The following PDE4D variants were observed in gnomAD, a reference collection of about 807,000 sequenced individuals.
PDE4D encodes 3',5'-cyclic-AMP phosphodiesterase 4D.
Under a neutral mutation model 87.4 loss-of-function variants are expected in PDE4D, and 24 were observed. The observed-to-expected ratio is 0.27, with a 90% CI of 0.20 to 0.39. The LOEUF (loss-of-function observed/expected upper bound fraction) is 0.39. Among genes scored for constraint, PDE4D ranks in the 10% least tolerant of loss-of-function variants. PDE4D has a pLI of 1.00. For missense variants in PDE4D, 714 were observed against 1,041.0 expected, an observed-to-expected ratio of 0.69 and a Z score of 4.32; for synonymous variants, 384 against 383.2, an observed-to-expected ratio of 1.00 and a Z score of -0.02.
chr5:59,872,262 T>TACACACACACACACACAC (rs71606610), intron 1 of PDE4D, among the ~76,000 whole-genome samples: 4 of 131,750 alleles, frequency 3.0e-5, no homozygotes, highest in African/African-American at 1.3e-4. Context: ...ACAGAAGAGT[T>TACACACACACACACACAC]ACACACACAC....
chr5:60,319,443 G>C (rs1055909564), intron 1 of PDE4D, among the ~76,000 whole-genome samples: 11 of 152,102 alleles, frequency 7.2e-5, no homozygotes, highest in African/African-American at 2.7e-4. Flanking sequence ...TCCTCCTTTA[G>C]CTCAGAGTAG....
intron 1 of PDE4D, among the ~76,000 whole-genome samples, chr5:59,684,470 G>A (rs530833699): frequency 1.3e-5 from 2 of 152,238 alleles, no homozygotes; most frequent in South Asian, 4.2e-4. Flanking sequence ...AATTACAAAA[G>A]AGAATGGTAA....
intron 1 of PDE4D, among the ~76,000 whole-genome samples, chr5:59,384,509 G>A (rs1463625191): frequency 1.3e-5 from 2 of 152,054 alleles, no homozygotes; most frequent in Non-Finnish European, 2.9e-5. Context: ...GCTCCCTGTC[G>A]ATGATATGTA....
intron 2 of PDE4D, among the ~76,000 whole-genome samples, chr5:60,052,606 G>A (rs976684743): frequency 3.9e-5 from 6 of 152,292 alleles, no homozygotes; most frequent in South Asian, 2.1e-4. Context: ...AAAGCTGGAC[G>A]CATTCTCTTT....
At chr5:59,680,294 C>A (rs1748791827) in intron 1 of PDE4D, among the ~76,000 whole-genome samples, 5 of 152,106 alleles carry the variant, frequency 3.3e-5, no homozygotes, top group Admixed American at 3.3e-4. Context: ...TCCAGATTAT[C>A]CTGAAGTTTG....
At chr5:59,903,857 T>C (rs1370628615) in intron 3 of PDE4D, among the ~76,000 whole-genome samples, 1 of 152,182 alleles carries the variant, frequency 6.6e-6, no homozygotes, top group African/African-American at 2.4e-5. Context: ...GCGTGTCTTA[T>C]GTCTGTGGAC....
intron 1 of PDE4D, among the ~76,000 whole-genome samples, chr5:59,332,543 G>A (rs1301922990): frequency 6.6e-6 from 1 of 152,030 alleles, no homozygotes. Flanking sequence ...CCATTTTCCT[G>A]TCCTTAAGAC....
At chr5:60,156,058 C>T (rs1406013161) in intron 2 of PDE4D, among the ~76,000 whole-genome samples, 2 of 152,106 alleles carry the variant, frequency 1.3e-5, no homozygotes, top group African/African-American at 2.4e-5. Flanking sequence ...GTCTAACAAT[C>T]CAAGAATCAA....
Position 60,320,240 on chromosome 5 carries a change from T to C in PDE4D, c.-89-134553A>G, listed in dbSNP as rs528616028. 2.9e-3 allele frequency among the ~76,000 whole-genome samples: 437 copies of C among 152,352 alleles called. 2 individuals are homozygous for C. The highest frequency in any genetic ancestry group is 5.0e-3 in the Non-Finnish European group (342 of 68,020). On this transcript the variant is annotated intron_variant, in intron 1 of 16. Coordinates refer to the PDE4D transcript ENST00000502484. ...GCAGTTTGAACTCAGACTGCTGTGCTGGCAATGAGCAAGGCTCCGTGGGCA... is the reference window on the plus strand; with the variant it reads ...GCAGTTTGAACTCAGACTGCTGTGCCGGCAATGAGCAAGGCTCCGTGGGCA...
chr5:59,157,599 T>C (rs530063937), intron 5 of PDE4D, among the ~76,000 whole-genome samples: 1 of 152,372 alleles, frequency 6.6e-6, no homozygotes, highest in African/African-American at 2.4e-5. Context: ...ATTATTACCA[T>C]AATGACATTG....
At chr5:59,805,849 C>T (rs1767671291) in intron 1 of PDE4D, among the ~76,000 whole-genome samples, 1 of 152,228 alleles carries the variant, frequency 6.6e-6, no homozygotes, top group African/African-American at 2.4e-5. Flanking sequence ...AGATTGTGAA[C>T]AGTCCCCGAA....
intron 5 of PDE4D, among the ~76,000 whole-genome samples, chr5:59,161,988 TC>T (rs1297141347): frequency 6.6e-6 from 1 of 152,208 alleles, no homozygotes. Flanking sequence ...AATCTACCCT[TC>T]TTTGAAGGTC....
chr5:60,051,789 A>G (rs1020252705), intron 2 of PDE4D, among the ~76,000 whole-genome samples: 4 of 152,022 alleles, frequency 2.6e-5, no homozygotes, highest in Non-Finnish European at 5.9e-5. Flanking sequence ...TAGATAGACC[A>G]CTAGCCAGAC....
At chr5:60,245,547 G>A (rs1747664378) in intron 1 of PDE4D, among the ~76,000 whole-genome samples, 1 of 151,818 alleles carries the variant, frequency 6.6e-6, no homozygotes, top group African/African-American at 2.4e-5. Flanking sequence ...GCAGATTAAT[G>A]GATAAAGAAA....
chr5:59,689,962 T>A (rs188166081), intron 1 of PDE4D, among the ~76,000 whole-genome samples: 131 of 152,200 alleles, frequency 8.6e-4, no homozygotes, highest in Admixed American at 2.2e-3. Context: ...GAACTCCAAT[T>A]CACAATTGCT....
At chr5:59,723,139 T>C (rs1446497263) in intron 1 of PDE4D, among the ~76,000 whole-genome samples, 1 of 152,040 alleles carries the variant, frequency 6.6e-6, no homozygotes, top group Non-Finnish European at 1.5e-5. Flanking sequence ...TCTAGTGGAA[T>C]AGAACAGGAA....
At position 59,893,230 on chromosome 5, in the gene PDE4D, G is replaced by A. The variant is rs765378471; in HGVS notation, c.393C>T (p.Gly131=). The change falls in exon 1 of 15, where the codon GGC becomes GGT. Residue 131 remains glycine (G), a synonymous_variant. Coordinates refer to ENST00000340635, the MANE Select transcript of PDE4D (RefSeq NM_001104631.2). ...MDRTSYAVET[G]HRPGLKKSRM... ...TGGATTTCTTCAGGCCGGGCCGGTGGCCGGTCTCCACCGCGTAGGAGGTGC... is the reference window on the plus strand; with the variant it reads ...TGGATTTCTTCAGGCCGGGCCGGTGACCGGTCTCCACCGCGTAGGAGGTGC... 5.8e-6 allele frequency: 9 copies of A among 1,559,802 alleles called. No homozygotes were observed. Among genetic ancestry groups the A allele is most frequent in the Admixed American group, 5.7e-5 (3 of 52,238 alleles).
chr5:59,415,094 A>G (rs7735376), intron 1 of PDE4D, among the ~76,000 whole-genome samples: 25,885 of 152,074 alleles, frequency 0.17, 2,941 homozygotes, highest in African/African-American at 0.31. Flanking sequence ...ATCCATGCAA[A>G]AGGAGAGGGT....
intron 2 of PDE4D, among the ~76,000 whole-genome samples, chr5:60,166,715 C>T (rs1782938917): frequency 6.6e-6 from 1 of 152,130 alleles, no homozygotes; most frequent in Non-Finnish European, 1.5e-5. Context: ...GCTTGAAGAA[C>T]TCCATTAAGC....
Sources: allele counts gnomAD v4.1 joint callset (sites outside exome capture counted in the v4.1 genomes callset), GRCh38; gene constraint gnomAD v4.1.1; transcripts MANE v1.5; gene names NCBI Gene and HGNC (gene_info 2026-07-23, HGNC 2026-07-21).